The following PDCD6IP variants were observed in gnomAD, a reference collection of about 807,000 sequenced individuals.
PDCD6IP encodes the protein programmed cell death 6 interacting protein.
Under a neutral mutation model 103.7 loss-of-function variants are expected in PDCD6IP, and 43 were observed. That is an observed-to-expected ratio of 0.41 (90% CI 0.32 to 0.53). PDCD6IP has a LOEUF of 0.53. Among genes scored for constraint, PDCD6IP ranks in the 20% least tolerant of loss-of-function variants. PDCD6IP has a pLI of 0.16. For missense variants in PDCD6IP, 871 were observed against 1,036.7 expected (o/e 0.84, Z 2.20); for synonymous variants, 354 against 378.7 (o/e 0.93, Z 0.76).
At chr3:33,844,088 G>C (rs1229450481) in intron 10 of PDCD6IP, 24 bp from the exon 11 acceptor site, 2 of 1,368,308 alleles carry the variant, frequency 1.5e-6, no homozygotes, top group Non-Finnish European at 2.1e-6. Flanking sequence ...GACATTTCAG[G>C]GTTCTTTTTG....
rs115364722 is a variant in PDCD6IP, at chr3:33,861,592, T to A, written c.2121-2414T>A. The stretch of plus-strand genomic sequence containing the variant: ...CAGTGCTGTTGGGTATATATCGAGG[T>A]CAAAGGATATGTGTGTATGCTCAGT... On this transcript the variant is annotated intron_variant, in intron 15 of 17. Coordinates refer to ENST00000307296, the MANE Select transcript of PDCD6IP (RefSeq NM_013374.6). Among the ~76,000 whole-genome samples the A allele has an allele frequency of 8.6e-3, 1,302 of 152,276 alleles. 12 individuals are homozygous for A. Among genetic ancestry groups the A allele is most frequent in the Non-Finnish European group, 8.5e-3 (579 of 68,032 alleles).
At chr3:33,815,052 T>C (rs1436302140) in intron 3 of PDCD6IP, among the ~76,000 whole-genome samples, 1 of 148,714 alleles carries the variant, frequency 6.7e-6, no homozygotes, top group African/African-American at 2.4e-5. Context: ...TTCTAAGATA[T>C]AGATGTATAA....
intron 1 of PDCD6IP, among the ~76,000 whole-genome samples, chr3:33,805,837 C>G (rs573116713): frequency 4.5e-4 from 69 of 152,120 alleles, no homozygotes; most frequent in Middle Eastern, 3.4e-3. Context: ...CTCCACCTCC[C>G]AGGTTCACGC....
chr3:33,817,092 AT>A (rs1696870328), intron 3 of PDCD6IP, among the ~76,000 whole-genome samples: 1 of 152,206 alleles, frequency 6.6e-6, no homozygotes, highest in Non-Finnish European at 1.5e-5. Context: ...GCATATATGT[AT>A]TTGTTGATAT....
chr3:33,852,371 C>G, intron 12 of PDCD6IP, 117 bp from the exon 13 acceptor site: 9 of 1,416,786 alleles, frequency 6.4e-6, no homozygotes, highest in Non-Finnish European at 5.5e-6. Context: ...ATATTTGGCT[C>G]TCTGAGAAAT....
At chr3:33,825,956 A>G (rs915716231) in intron 5 of PDCD6IP, among the ~76,000 whole-genome samples, 2 of 152,184 alleles carry the variant, frequency 1.3e-5, no homozygotes, top group African/African-American at 4.8e-5. Flanking sequence ...ATCCAGGCAC[A>G]GTCCCTAGCC....
rs758244213 is a variant in PDCD6IP at position 33,831,870 on chromosome 3, A to G, written c.834+2901A>G. On this transcript the variant is annotated intron_variant, in intron 7 of 17. Coordinates refer to ENST00000307296, the MANE Select transcript of PDCD6IP (RefSeq NM_013374.6). Reference sequence around the variant, plus strand: ...GTGTACCTTCTTTTCTCATATAACAATGTATCCTGAAGATCTCTTCATCTT... The same window carrying G: ...GTGTACCTTCTTTTCTCATATAACAGTGTATCCTGAAGATCTCTTCATCTT... Among the ~76,000 whole-genome samples, 5 of 152,234 alleles carry G rather than the reference A, an allele frequency of 3.3e-5. No individual in the cohort carries two copies. The East Asian group carries it at 5.8e-4, about 18-fold the overall frequency.
chr3:33,851,554 C>T (rs1697714451), intron 12 of PDCD6IP, among the ~76,000 whole-genome samples: 1 of 152,074 alleles, frequency 6.6e-6, no homozygotes, highest in African/African-American at 2.4e-5. Flanking sequence ...TCACTGCAGC[C>T]TTGACCCACT....
chr3:33,865,328 TG>T lies in PDCD6IP; in HGVS notation c.2335del (p.Ala779LeufsTer99), dbSNP rs1698039565. ...RAPSATAPSPVGAGTAAPAPS... is the reference protein window; with the variant it reads ...RAPSATAPSPXGAGTAAPAPS... ...CCTTCTGCTACTGCTCCATCTCCAG[TG>T]GGGGCTGGGACTGCTGCGCCAGCTC... On this transcript the variant is annotated frameshift_variant, in exon 17 of 18. Coordinates refer to ENST00000307296, the MANE Select transcript of PDCD6IP (RefSeq NM_013374.6). LOFTEE classifies it high-confidence loss of function. 3.1e-6 allele frequency: 5 copies of T among 1,596,118 alleles called. No individual in the cohort carries two copies. The African/African-American group carries it at 4.1e-5, about 13-fold the overall frequency.
Position 33,865,318 on chromosome 3 carries a change from C to G in PDCD6IP, c.2320C>G (p.Pro774Ala), listed in dbSNP as rs138439508. 3.8e-4 allele frequency: 612 copies of G among 1,594,776 alleles called. 5 individuals carry two copies. Among genetic ancestry groups the G allele is most frequent in the Non-Finnish European group, 1.1e-4 (126 of 1,171,658 alleles). The change falls in exon 17 of 18, where the codon CCA becomes GCA. Residue 774 changes from proline (P) to alanine (A), a missense_variant. Pro to Ala is a conservative substitution (Grantham distance 27). Around this residue, in one of 5 missense-constraint regions of PDCD6IP, gnomAD observed 202 missense variants for 205.2 expected, o/e 0.98. Transcript: ENST00000307296. ...AAATCGAGCTCCTTCTGCTACTGCTCCATCTCCAGTGGGGGCTGGGACTGC... is the reference window on the plus strand; with the variant it reads ...AAATCGAGCTCCTTCTGCTACTGCTGCATCTCCAGTGGGGGCTGGGACTGC... ...PANRAPSATA[P>A]SPVGAGTAAP...
chr3:33,851,897 T>C (rs1697722510), intron 12 of PDCD6IP, among the ~76,000 whole-genome samples: 1 of 152,230 alleles, frequency 6.6e-6, no homozygotes. Context: ...GCTTGCTTCA[T>C]AGCTGTCTCT....
At chr3:33,837,071 C>A (rs1697365766) in intron 8 of PDCD6IP, among the ~76,000 whole-genome samples, 1 of 151,904 alleles carries the variant, frequency 6.6e-6, no homozygotes, top group Non-Finnish European at 1.5e-5. Flanking sequence ...CAGGCGCCTG[C>A]CACCTCGCCC....
rs542217247 is a variant in PDCD6IP, at chr3:33,864,483, A to G, written c.2244+354A>G. 2.0e-5 allele frequency among the ~76,000 whole-genome samples: 3 copies of G among 152,326 alleles called. No individual in the cohort carries two copies. The East Asian group carries it at 5.8e-4, about 29-fold the overall frequency. ...TCATTTCTAAAAGTGAATGTCATAG[A>G]TTTTTTAAAAAAGAGGCATATTCTA... On this transcript the variant is annotated intron_variant, in intron 16 of 17. Coordinates refer to ENST00000307296, the MANE Select transcript of PDCD6IP (RefSeq NM_013374.6).
Position 33,866,453 on chromosome 3 carries a change from A to C in PDCD6IP, c.2535A>C (p.Pro845=), listed in dbSNP as rs3183987. 1.2e-6 allele frequency: 2 copies of C among 1,611,250 alleles called. No individual in the cohort carries two copies. The highest frequency in any genetic ancestry group is 1.1e-5 in the South Asian group (1 of 90,432). The change falls in exon 18 of 18, where the codon CCA becomes CCC. Residue 845 remains proline (P), a synonymous_variant. Coordinates refer to ENST00000307296, the MANE Select transcript of PDCD6IP (RefSeq NM_013374.6). ...ATCACCAGAGTCCTGGACAGGCTCCATACCCGGGACCCCAGCAGCCTTCAT... is the reference window on the plus strand; with the variant it reads ...ATCACCAGAGTCCTGGACAGGCTCCCTACCCGGGACCCCAGCAGCCTTCAT... ...PVYHQSPGQA[P]YPGPQQPSYP...
chr3:33,828,996 A>G (rs1246755087), intron 7 of PDCD6IP, 27 bp downstream of exon 7: 2 of 1,536,362 alleles, frequency 1.3e-6, no homozygotes, highest in Admixed American at 2.0e-5. Flanking sequence ...TAAATATTTA[A>G]GTAACTAACT....
chr3:33,842,063 A>G lies in PDCD6IP; in HGVS notation c.1348A>G (p.Ile450Val), dbSNP rs1275601304. The G allele has an allele frequency of 1.9e-6, 3 of 1,609,050 alleles. No individual in the cohort carries two copies. The highest frequency in any genetic ancestry group is 1.1e-5 in the South Asian group (1 of 90,450). Reference sequence around the variant, plus strand: ...TGAATTACTGCAACGAAATAGAGAAATCCTAGATGAGGTATGTTTTATAAG... The same window carrying G: ...TGAATTACTGCAACGAAATAGAGAAGTCCTAGATGAGGTATGTTTTATAAG... ...LPELLQRNRE[I>V]LDESLRLLDE... The change falls in exon 10 of 18, where the codon ATC becomes GTC. Residue 450 changes from isoleucine to valine, a missense_variant. By Grantham distance (29) the Ile-to-Val change is conservative. This residue lies in a region of PDCD6IP where 266 missense variants were observed against 390.5 expected (regional missense o/e 0.68). Coordinates refer to ENST00000307296, the MANE Select transcript of PDCD6IP (RefSeq NM_013374.6).
At chr3:33,856,543 A>G (rs1271649424) in intron 15 of PDCD6IP, among the ~76,000 whole-genome samples, 1 of 152,182 alleles carries the variant, frequency 6.6e-6, no homozygotes, top group Non-Finnish European at 1.5e-5. Flanking sequence ...AACCAGATAG[A>G]ACAGTTATTT....
chr3:33,815,137 A>G (rs1398853992), intron 3 of PDCD6IP, among the ~76,000 whole-genome samples: 6 of 149,250 alleles, frequency 4.0e-5, no homozygotes, highest in Admixed American at 6.7e-5. Flanking sequence ...ATACTTATAT[A>G]TAGGTGAGGA....
chr3:33,818,999 G>T (rs889641201), intron 3 of PDCD6IP, among the ~76,000 whole-genome samples: 1 of 151,648 alleles, frequency 6.6e-6, no homozygotes, highest in Non-Finnish European at 1.5e-5. Flanking sequence ...TTTCTTTTTG[G>T]CCCTTTTAGT....
Sources: allele counts gnomAD v4.1 joint callset (sites outside exome capture counted in the v4.1 genomes callset), GRCh38; gene constraint gnomAD v4.1.1; regional missense constraint gnomAD v4.1.1; transcripts MANE v1.5; gene names NCBI Gene and HGNC (gene_info 2026-07-23, HGNC 2026-07-21).